The following ANKRD30B variants were observed in gnomAD, a reference collection of about 807,000 sequenced individuals.
ANKRD30B encodes ankyrin repeat domain 30B.
ANKRD30B carries 144 observed loss-of-function variants against 202.2 expected under a neutral mutation model. The observed-to-expected ratio is 0.71, with a 90% CI of 0.62 to 0.82. The LOEUF (loss-of-function observed/expected upper bound fraction) is 0.82. Ranked by LOEUF, ANKRD30B falls within the 40% of genes least tolerant of loss-of-function variation. The probability of loss-of-function intolerance (pLI) is 0.00; values close to 1 mark genes in which losing one functional copy is unlikely to be tolerated. For synonymous variants in ANKRD30B, 508 were observed against 561.3 expected, an observed-to-expected ratio of 0.91 and a Z score of 1.34; for missense variants, 1,487 against 1,669.1, an observed-to-expected ratio of 0.89 and a Z score of 1.90.
At chr18:14,831,781 A>G (rs970353878) in intron 34 of ANKRD30B, among the ~76,000 whole-genome samples, 3 of 152,194 alleles carry the variant, frequency 2.0e-5, no homozygotes, top group African/African-American at 4.8e-5. Context: ...TAGAGAATAT[A>G]TAAAATCTGG....
intron 24 of ANKRD30B, among the ~76,000 whole-genome samples, chr18:14,807,161 T>C (rs1969574662): frequency 6.6e-6 from 1 of 151,012 alleles, no homozygotes; most frequent in Non-Finnish European, 1.5e-5. Flanking sequence ...AAACAACATA[T>C]ATACTTGACA....
the ANKRD30B span, among the ~76,000 whole-genome samples, chr18:14,884,203 G>A: frequency 1.5e-4 from 21 of 136,174 alleles, no homozygotes; most frequent in Middle Eastern, 3.5e-3. Flanking sequence ...TTCTTGCTTC[G>A]TGGGAAACAG....
chr18:14,854,704 T>G (rs1444938227), downstream of ANKRD30B, among the ~76,000 whole-genome samples: 2 of 152,142 alleles, frequency 1.3e-5, no homozygotes, highest in African/African-American at 4.8e-5. Context: ...ATCCCAACTA[T>G]TGAACCTTCT....
rs138864294 is a variant in ANKRD30B at position 14,781,163 on chromosome 18, T to G, written c.1482+1142T>G. On this transcript the variant is annotated intron_variant, in intron 11 of 43. Coordinates refer to ENST00000690538, the MANE Select transcript of ANKRD30B (RefSeq NM_001367607.2). ...TTAAACATAACATAAACATAAGTTT[T>G]CCTTACTACTTTTTCATTTTATTCA... Among the ~76,000 whole-genome samples, 744 of 152,404 alleles carry G rather than the reference T, an allele frequency of 4.9e-3. 5 individuals carry two copies. Among genetic ancestry groups the G allele is most frequent in the Middle Eastern group, 0.024 (7 of 294 alleles).
At chr18:14,758,282 A>C (rs1430532089) in intron 5 of ANKRD30B, among the ~76,000 whole-genome samples, 1 of 152,190 alleles carries the variant, frequency 6.6e-6, no homozygotes, top group Non-Finnish European at 1.5e-5. Flanking sequence ...GCTGTCTTCC[A>C]TACCTTAATA....
chr18:14,778,109 A>T (rs780776981), intron 10 of ANKRD30B, 34 bp downstream of exon 10: 10 of 1,399,526 alleles, frequency 7.1e-6, no homozygotes, highest in Non-Finnish European at 9.9e-6. Flanking sequence ...ACATCTTTTG[A>T]CCAAATGTTT....
At chr18:14,864,205 C>A in the ANKRD30B span, among the ~76,000 whole-genome samples, 1 of 152,000 alleles carries the variant, frequency 6.6e-6, no homozygotes, top group African/African-American at 2.4e-5. Context: ...CGTCGTGGTG[C>A]ATGCCTGTAA....
intron 34 of ANKRD30B, 99 bp downstream of exon 34, chr18:14,831,554 C>T (rs1681224150): frequency 3.6e-6 from 2 of 552,400 alleles, no homozygotes; most frequent in Admixed American, 7.9e-5. Flanking sequence ...ATCATAATTT[C>T]ATGTTGGTAA....
In ANKRD30B at chr18:14,752,997, C is replaced by T. The variant is rs138054870; in HGVS notation, c.495C>T (p.Ile165=). ...VATLLSYGAV[I]EVQNKASLTP... ...CACTGCTGTCCTATGGTGCAGTCAT[C>T]GAGGTGCAAAACAAGGTAGACATTA... The change falls in exon 3 of 44, where the codon ATC becomes ATT. Residue 165 remains isoleucine, a synonymous_variant. Transcript: ENST00000690538. 431 of 1,593,842 alleles carry T rather than the reference C, an allele frequency of 2.7e-4. 3 individuals carry two copies. The African/African-American group carries it at 4.1e-3, about 15-fold the overall frequency.
chr18:14,749,620 G>C (rs961666987), intron 1 of ANKRD30B, among the ~76,000 whole-genome samples: 1 of 138,422 alleles, frequency 7.2e-6, no homozygotes, highest in African/African-American at 2.8e-5. Context: ...GCAGTGAGCC[G>C]AGATCCCACC....
At chr18:14,797,602 G>A (rs891006232) in intron 18 of ANKRD30B, 59 bp from the exon 19 acceptor site, 101 of 1,514,790 alleles carry the variant, frequency 6.7e-5, no homozygotes, top group East Asian at 1.8e-4. Flanking sequence ...CTGTATGAAC[G>A]TTTGGTAGGC....
chr18:14,856,506 G>GAA (rs1972112348), downstream of ANKRD30B, among the ~76,000 whole-genome samples: 1 of 139,922 alleles, frequency 7.1e-6, no homozygotes, highest in African/African-American at 2.6e-5. Flanking sequence ...GGGCGGCTGG[G>GAA]GAGAGGTGCT....
intron 4 of ANKRD30B, among the ~76,000 whole-genome samples, chr18:14,756,859 T>C (rs546482748): frequency 1.2e-4 from 19 of 152,120 alleles, no homozygotes; most frequent in Admixed American, 9.2e-4. Flanking sequence ...GCTACCACAC[T>C]CCAGCCTGGG....
chr18:14,752,649 T>C lies in ANKRD30B; in HGVS notation c.305T>C (p.Leu102Pro), dbSNP rs1321906328. The change falls in exon 2 of 44, where the codon CTT (leucine) becomes CCT (proline). Residue 102 changes from leucine to proline, a missense_variant. Leu to Pro is a moderately conservative substitution (Grantham distance 98). Coordinates refer to ENST00000690538, the MANE Select transcript of ANKRD30B (RefSeq NM_001367607.2). ...LVDRKCQLNV[L>P]DGEGRTPLMK... is the part of the protein sequence containing the mutation. ...GACAGAAAGTGCCAGCTTAATGTCC[T>C]TGATGGCGAAGGGAGGACACCTCTG... 6.2e-7 allele frequency: 1 copy of C among 1,608,842 alleles called. No individual in the cohort carries two copies. Among genetic ancestry groups the C allele is most frequent in the Non-Finnish European group, 8.5e-7 (1 of 1,176,860 alleles).
the ANKRD30B span, among the ~76,000 whole-genome samples, chr18:14,901,389 A>G: frequency 6.6e-6 from 1 of 152,240 alleles, no homozygotes; most frequent in African/African-American, 2.4e-5. Context: ...CAAAACTCTA[A>G]TAAACAAATG....
chr18:14,800,059 C>T (rs557706433), intron 22 of ANKRD30B, among the ~76,000 whole-genome samples: 1 of 151,606 alleles, frequency 6.6e-6, no homozygotes, highest in South Asian at 2.1e-4. Context: ...AGTGAAACCC[C>T]ATCGCTACTA....
chr18:14,839,188 AT>A (rs1971304447), intron 36 of ANKRD30B, among the ~76,000 whole-genome samples: 2 of 152,254 alleles, frequency 1.3e-5, no homozygotes, highest in African/African-American at 4.8e-5. Context: ...AGAATAACAA[AT>A]GAAAAACACT....
Position 14,837,644 on chromosome 18 carries a change from AAAG to A in ANKRD30B, c.2961_2963del (p.Glu987del). 5 of 1,541,218 alleles carry A rather than the reference AAAG, an allele frequency of 3.2e-6. No homozygotes were observed. Among genetic ancestry groups the A allele is most frequent in the Non-Finnish European group, 3.5e-6 (4 of 1,144,558 alleles). On this transcript the variant is annotated inframe_deletion, in exon 36 of 44. Coordinates refer to ENST00000690538, the MANE Select transcript of ANKRD30B (RefSeq NM_001367607.2). The stretch of plus-strand genomic sequence containing the variant: ...GATGCCCACATCAGAATTAGGAAGA[AAAG>A]AAGATACAAAATCAACTTCAGATTC...
the ANKRD30B span, among the ~76,000 whole-genome samples, chr18:14,934,691 G>A: frequency 3.9e-5 from 6 of 152,140 alleles, no homozygotes; most frequent in African/African-American, 7.2e-5. Context: ...CATGGACACT[G>A]AAGCCTGAAC....
Sources: allele counts gnomAD v4.1 joint callset (sites outside exome capture counted in the v4.1 genomes callset), GRCh38; gene constraint gnomAD v4.1.1; transcripts MANE v1.5; gene names NCBI Gene and HGNC (gene_info 2026-07-23, HGNC 2026-07-21).